Variants in CDC123 observed in about 807,000 individuals in gnomAD.
CDC123 encodes cell division cycle 123, also known as translation initiation factor eIF2 assembly protein.
A neutral mutation model predicts 54.4 loss-of-function variants in CDC123; 37 were observed. That is an observed-to-expected ratio of 0.68 (90% confidence interval 0.52 to 0.89). The LOEUF (loss-of-function observed/expected upper bound fraction) is 0.89, where lower values mean the gene tolerates loss of function less well. Among genes scored for constraint, CDC123 ranks in the 40% least tolerant of loss-of-function variants. The pLI is 0.00. For synonymous variants in CDC123, 144 were observed against 136.8 expected (o/e 1.05, Z -0.37); for missense variants, 361 against 412.1 (o/e 0.88, Z 1.07).
chr10:12,229,577 C>A (rs1835871537), intron 6 of CDC123, among the ~76,000 whole-genome samples: 1 of 152,356 alleles, frequency 6.6e-6, no homozygotes, highest in Admixed American at 6.5e-5. Context: ...ACACAGCAGC[C>A]AGCTAATCAG....
intron 2 of CDC123, among the ~76,000 whole-genome samples, chr10:12,209,686 C>A (rs1255721784): frequency 3.3e-5 from 5 of 152,094 alleles, no homozygotes; most frequent in African/African-American, 1.2e-4. Flanking sequence ...CACCTCAGCC[C>A]CCCAAATAGC....
At chr10:12,197,605 C>G (rs796536428) in intron 1 of CDC123, among the ~76,000 whole-genome samples, 28 of 151,538 alleles carry the variant, frequency 1.8e-4, no homozygotes, top group African/African-American at 6.5e-4. Flanking sequence ...TCTCGATTGC[C>G]TGACCTCGTG....
intron 6 of CDC123, among the ~76,000 whole-genome samples, chr10:12,226,831 G>A (rs1011829345): frequency 2.0e-5 from 3 of 151,976 alleles, no homozygotes; most frequent in Non-Finnish European, 2.9e-5. Context: ...AGGCAGAGAC[G>A]CTCCTTGCTT....
chr10:12,215,651 C>T (rs1835652458), intron 4 of CDC123, 89 bp from the exon 5 acceptor site: 1 of 650,346 alleles, frequency 1.5e-6, no homozygotes, highest in South Asian at 3.3e-5. Context: ...TTTTTAACAC[C>T]CTAAACTATA....
intron 10 of CDC123, chr10:12,245,647 C>G (rs1296069485): frequency 6.6e-6 from 1 of 152,418 alleles, no homozygotes; most frequent in East Asian, 1.9e-4. Flanking sequence ...GGTCCCTTCT[C>G]TCTTCATTCA....
At chr10:12,238,713 TA>T (rs1161335802) in intron 10 of CDC123, among the ~76,000 whole-genome samples, 6 of 151,264 alleles carry the variant, frequency 4.0e-5, no homozygotes. Context: ...TCATCTCTAC[TA>T]AAAATTAAAA....
At chr10:12,237,291 TA>T in intron 9 of CDC123, 25 bp downstream of exon 9, 1 of 1,515,630 alleles carries the variant, frequency 6.6e-7, no homozygotes, top group Non-Finnish European at 8.8e-7. Flanking sequence ...ATTGATCCAG[TA>T]AAATGAAATG....
intron 10 of CDC123, 36 bp from the exon 11 acceptor site, chr10:12,246,113 A>T (rs1564260501): frequency 6.2e-7 from 1 of 1,602,864 alleles, no homozygotes; most frequent in Admixed American, 1.7e-5. Flanking sequence ...AGTACAGAAG[A>T]TGTTTGTTTT....
chr10:12,215,345 C>G (rs1304768232), intron 4 of CDC123, among the ~76,000 whole-genome samples: 2 of 152,110 alleles, frequency 1.3e-5, no homozygotes, highest in African/African-American at 2.4e-5. Flanking sequence ...TCTAGCTCTT[C>G]AAGTAGGGAT....
intron 6 of CDC123, among the ~76,000 whole-genome samples, chr10:12,222,315 G>C (rs1835747708): frequency 6.6e-6 from 1 of 152,144 alleles, no homozygotes; most frequent in South Asian, 2.1e-4. Context: ...GCTTTAAAAA[G>C]TGGAGGTTGA....
intron 4 of CDC123, among the ~76,000 whole-genome samples, chr10:12,214,700 T>C (rs1835641597): frequency 6.6e-6 from 1 of 152,226 alleles, no homozygotes; most frequent in Non-Finnish European, 1.5e-5. Flanking sequence ...TCACAGTTTT[T>C]TCTCTCGCAT....
rs5783243 is a variant in CDC123, at chr10:12,199,660, GT to G, written c.146+885del. 7.1e-3 allele frequency among the ~76,000 whole-genome samples: 1,079 copies of G among 152,234 alleles called. 20 individuals are homozygous for G. The highest frequency in any genetic ancestry group is 0.024 in the African/African-American group (998 of 41,516). Reference sequence around the variant, plus strand: ...TATTTTTGCCTGTTGGGTTTTTAGTGTGGTTTTCTGGATTATATTTCTGTTT... The same window carrying G: ...TATTTTTGCCTGTTGGGTTTTTAGTGGGTTTTCTGGATTATATTTCTGTTT... On this transcript the variant is annotated intron_variant, in intron 2 of 12. Transcript: ENST00000281141.
At chr10:12,238,995 A>AG (rs1341571489) in intron 10 of CDC123, among the ~76,000 whole-genome samples, 36 of 151,810 alleles carry the variant, frequency 2.4e-4, no homozygotes, top group African/African-American at 8.2e-4. Context: ...GCCTCAAAAG[A>AG]GAAAAAAAAA....
At chr10:12,200,123 T>TTTTTTTTTTTTTTTTTTG in intron 2 of CDC123, among the ~76,000 whole-genome samples, 1 of 113,268 alleles carries the variant, frequency 8.8e-6, no homozygotes, top group Admixed American at 8.2e-5. Flanking sequence ...ACTCGGCATT[T>TTTTTTTTTTTTTTTTTTG]TTTTTTTTTT....
chr10:12,243,485 T>G (rs1836087727), intron 10 of CDC123, among the ~76,000 whole-genome samples: 1 of 152,012 alleles, frequency 6.6e-6, no homozygotes, highest in Non-Finnish European at 1.5e-5. Flanking sequence ...TTAGTTTTAC[T>G]GACTATAAAA....
intron 10 of CDC123, among the ~76,000 whole-genome samples, chr10:12,239,927 G>C (rs1836034047): frequency 6.7e-6 from 1 of 148,764 alleles, no homozygotes; most frequent in Non-Finnish European, 1.5e-5. Context: ...AGAATGGCGT[G>C]AACCCGGGAG....
intron 6 of CDC123, among the ~76,000 whole-genome samples, chr10:12,220,158 T>G (rs928983953): frequency 6.6e-6 from 1 of 152,220 alleles, no homozygotes; most frequent in African/African-American, 2.4e-5. Flanking sequence ...ATGCCTTTAG[T>G]GTCAGTTGCA....
At chr10:12,236,500 G>A (rs1322497286) in intron 8 of CDC123, among the ~76,000 whole-genome samples, 1 of 152,050 alleles carries the variant, frequency 6.6e-6, no homozygotes, top group African/African-American at 2.4e-5. Context: ...TCGGGAGACT[G>A]AGGTGGGAGG....
chr10:12,196,385 A>T, intron 1 of CDC123, 66 bp downstream of exon 1: 1 of 1,606,650 alleles, frequency 6.2e-7, no homozygotes, highest in Non-Finnish European at 8.5e-7. Flanking sequence ...AGCGAATCTT[A>T]CTGCTATCCA....
Sources: allele counts gnomAD v4.1 joint callset (sites outside exome capture counted in the v4.1 genomes callset), GRCh38; gene constraint gnomAD v4.1.1; transcripts MANE v1.5; gene names NCBI Gene and HGNC (gene_info 2026-07-23, HGNC 2026-07-21).